The following HMCN1 variants were observed in gnomAD, a reference collection of about 807,000 sequenced individuals.
HMCN1 encodes the protein hemicentin-1.
Under a neutral mutation model 625.9 loss-of-function variants are expected in HMCN1, and 321 were observed. The observed-to-expected ratio is 0.51, with a 90% confidence interval of 0.47 to 0.56. The LOEUF (loss-of-function observed/expected upper bound fraction) is 0.56, where lower values mean the gene tolerates loss of function less well. Among genes scored for constraint, HMCN1 ranks in the 20% least tolerant of loss-of-function variants. The probability of loss-of-function intolerance (pLI) is 0.00; values close to 1 mark genes in which losing one functional copy is unlikely to be tolerated. For missense variants in HMCN1, 6,588 were observed against 6,887.3 expected, an observed-to-expected ratio of 0.96 and a Z score of 1.54; for synonymous variants, 2,425 against 2,417.6, an observed-to-expected ratio of 1.00 and a Z score of -0.09.
rs1353587559 is a variant in HMCN1, at chr1:186,145,474, C to T, written c.14338C>T (p.Arg4780Trp). 2.5e-6 allele frequency: 4 copies of T among 1,611,638 alleles called. No individual in the cohort carries two copies. The highest frequency in any genetic ancestry group is 1.1e-5 in the South Asian group (1 of 90,766). Residue 4780 changes from arginine (R) to tryptophan (W), a missense_variant, in exon 92 of 107, where the codon CGG becomes TGG. Arg to Trp is a moderately radical substitution (Grantham distance 101). This residue lies in a region of HMCN1 where 1,954 missense variants were observed against 2,013.1 expected (regional missense o/e 0.97). Coordinates refer to ENST00000271588, the MANE Select transcript of HMCN1 (RefSeq NM_031935.3). ...GACGTGTAACGGAGGGCAGATGCGGCGGTACCGCACATGTGATAACCCTCC... is the reference window on the plus strand; with the variant it reads ...GACGTGTAACGGAGGGCAGATGCGGTGGTACCGCACATGTGATAACCCTCC... The part of the protein sequence containing the change: ...SRTCNGGQMR[R>W]YRTCDNPPPS...
intron 8 of HMCN1, among the ~76,000 whole-genome samples, chr1:185,924,503 G>A (rs1184551646): frequency 6.6e-6 from 1 of 151,980 alleles, no homozygotes; most frequent in East Asian, 1.9e-4. Flanking sequence ...AGTGATTTGG[G>A]AAATTCAGGA....
At chr1:186,088,931 G>A (rs972865750) in intron 63 of HMCN1, among the ~76,000 whole-genome samples, 176 bp downstream of exon 63, 31 of 151,950 alleles carry the variant, frequency 2.0e-4, no homozygotes, top group African/African-American at 6.5e-4. Flanking sequence ...TCATGGAAAT[G>A]GACATAAATG....
chr1:186,007,061 G>A (rs1213955339), intron 29 of HMCN1, 67 bp from the exon 30 acceptor site: 2 of 1,244,524 alleles, frequency 1.6e-6, no homozygotes, highest in African/African-American at 3.0e-5. Flanking sequence ...AATGATTTTT[G>A]TTGTGATAAA....
At chr1:186,110,952 T>G (rs1660844487) in intron 71 of HMCN1, among the ~76,000 whole-genome samples, 1 of 138,158 alleles carries the variant, frequency 7.2e-6, no homozygotes, top group Non-Finnish European at 1.5e-5. Flanking sequence ...ATAGGTGGTC[T>G]ACGGAAGAAA....
intron 1 of HMCN1, among the ~76,000 whole-genome samples, chr1:185,812,112 T>C (rs1659557150): frequency 6.6e-6 from 1 of 152,056 alleles, no homozygotes. Flanking sequence ...TGGCCAACAT[T>C]AAAAGTTTTT....
intron 1 of HMCN1, among the ~76,000 whole-genome samples, chr1:185,796,709 T>C (rs1658408188): frequency 6.6e-6 from 1 of 152,206 alleles, no homozygotes; most frequent in African/African-American, 2.4e-5. Flanking sequence ...TGCACATACA[T>C]ATATACACAC....
chr1:186,058,988 T>G (rs1334198670), intron 46 of HMCN1, among the ~76,000 whole-genome samples: 1 of 152,026 alleles, frequency 6.6e-6, no homozygotes, highest in Non-Finnish European at 1.5e-5. Flanking sequence ...CTAACTTCAG[T>G]TTGATAACTT....
At chr1:185,747,127 C>G (rs1654462857) in intron 1 of HMCN1, among the ~76,000 whole-genome samples, 1 of 152,090 alleles carries the variant, frequency 6.6e-6, no homozygotes, top group Non-Finnish European at 1.5e-5. Flanking sequence ...AACTCTAACT[C>G]TTTTACTAGG....
At chr1:185,772,788 G>A (rs1656334134) in intron 1 of HMCN1, among the ~76,000 whole-genome samples, 1 of 152,110 alleles carries the variant, frequency 6.6e-6, no homozygotes, top group East Asian at 1.9e-4. Context: ...TCAAGGCTGG[G>A]AAGTCCAAGG....
chr1:185,795,392 T>C (rs1557975034), intron 1 of HMCN1, among the ~76,000 whole-genome samples: 1 of 152,202 alleles, frequency 6.6e-6, no homozygotes, highest in Non-Finnish European at 1.5e-5. Flanking sequence ...AACCTTTTTT[T>C]CCCAAGAGCT....
intron 105 of HMCN1, among the ~76,000 whole-genome samples, chr1:186,187,126 A>T (rs1164332080): frequency 6.6e-6 from 1 of 152,090 alleles, no homozygotes; most frequent in East Asian, 1.9e-4. Flanking sequence ...TTCAGGAAGC[A>T]CTTAAGTGTG....
At chr1:186,129,633 C>T (rs557300739) in intron 83 of HMCN1, among the ~76,000 whole-genome samples, 1 of 140,402 alleles carries the variant, frequency 7.1e-6, no homozygotes, top group Non-Finnish European at 1.5e-5. Context: ...TGTAATATTT[C>T]TGAATGAAAG....
rs530723466 is a variant in HMCN1, at chr1:186,111,969, C to T, written c.10990-843C>T. Among the ~76,000 whole-genome samples, 3 of 152,256 alleles carry T rather than the reference C, an allele frequency of 2.0e-5. No individual in the cohort carries two copies. In the East Asian group the frequency reaches 5.8e-4, roughly 29 times the overall value. On this transcript the variant is annotated intron_variant, in intron 71 of 106. Transcript: ENST00000271588. ...TTGGGCTATTCCTGAAATGCTTCAT[C>T]TTAGGTACAATGAGAGAATATCAAT... is the stretch of plus-strand genomic sequence containing the variant.
At chr1:185,980,829 C>T (rs1382156568) in intron 16 of HMCN1, 149 bp from the exon 17 acceptor site, 1 of 713,766 alleles carries the variant, frequency 1.4e-6, no homozygotes, top group East Asian at 2.5e-5. Context: ...ACTTATTTCA[C>T]TGTGGTGTGA....
chr1:186,047,137 G>A (rs1213482045), intron 41 of HMCN1, among the ~76,000 whole-genome samples: 1 of 152,132 alleles, frequency 6.6e-6, no homozygotes, highest in Non-Finnish European at 1.5e-5. Flanking sequence ...GCATGAAGGA[G>A]TATGTTACGG....
chr1:186,117,279 T>C (rs1661179052), intron 76 of HMCN1, among the ~76,000 whole-genome samples, 164 bp downstream of exon 76: 1 of 151,270 alleles, frequency 6.6e-6, no homozygotes. Context: ...GTCATGGGGG[T>C]TTGTTGTACA....
chr1:185,791,905 C>A (rs1189575989), intron 1 of HMCN1, among the ~76,000 whole-genome samples: 1 of 152,144 alleles, frequency 6.6e-6, no homozygotes, highest in East Asian at 1.9e-4. Context: ...CTGTCACTTG[C>A]TCCAGGATAT....
chr1:186,159,843 T>C (rs1651313449), intron 97 of HMCN1, among the ~76,000 whole-genome samples: 2 of 152,250 alleles, frequency 1.3e-5, no homozygotes, highest in Admixed American at 1.3e-4. Flanking sequence ...TTGAGGATTT[T>C]TGCATCAATG....
chr1:186,076,692 G>A (rs1658837257), intron 54 of HMCN1, 70 bp downstream of exon 54: 18 of 1,453,244 alleles, frequency 1.2e-5, no homozygotes, highest in African/African-American at 2.8e-5. Context: ...TGTATTAGAC[G>A]AATTGAATTG....
Sources: allele counts gnomAD v4.1 joint callset (sites outside exome capture counted in the v4.1 genomes callset), GRCh38; gene constraint gnomAD v4.1.1; regional missense constraint gnomAD v4.1.1; transcripts MANE v1.5; gene names NCBI Gene and HGNC (gene_info 2026-07-23, HGNC 2026-07-21).